Variants in CADPS observed in about 807,000 individuals in gnomAD.
The protein encoded by CADPS is calcium dependent secretion activator, also known as calcium-dependent secretion activator 1.
In CADPS, 57 loss-of-function variants were observed where a neutral mutation model predicts 167.3. The observed-to-expected ratio is 0.34, with a 90% CI of 0.28 to 0.42. CADPS has a LOEUF of 0.42. Among genes scored for constraint, CADPS ranks in the 20% least tolerant of loss-of-function variants. The pLI, the probability that CADPS is intolerant of heterozygous loss-of-function variation, is 1.00. For missense variants in CADPS, 1,414 were observed against 1,738.1 expected, an observed-to-expected ratio of 0.81 and a Z score of 3.32; for synonymous variants, 676 against 635.3, an observed-to-expected ratio of 1.06 and a Z score of -0.96.
chr3:62,526,806 A>G (rs1245972678), intron 13 of CADPS, among the ~76,000 whole-genome samples: 1 of 152,130 alleles, frequency 6.6e-6, no homozygotes, highest in Non-Finnish European at 1.5e-5. Context: ...GAACTTTGCT[A>G]TATATTTAAA....
intron 3 of CADPS, among the ~76,000 whole-genome samples, chr3:62,718,374 A>G (rs1005272881): frequency 1.3e-5 from 2 of 152,214 alleles, no homozygotes; most frequent in Non-Finnish European, 2.9e-5. Context: ...TTCTGAAGCT[A>G]CGTAGGTCAA....
rs142494817 is a variant in CADPS, at chr3:62,550,084, A to G, written c.1785T>C (p.Ala595=). ...GLEGGRAFFN[A]VKEGDTVIFA... ...ATATCACGGTGTCTCCCTCCTTGAC[A>G]GCATTGAAGAAGGCTCGGCCACCCT... is the stretch of plus-strand genomic sequence containing the variant. Residue 595 remains alanine, a synonymous_variant, in exon 11 of 30, where the codon GCT becomes GCC. Coordinates refer to ENST00000383710, the MANE Select transcript of CADPS (RefSeq NM_003716.4). 4 of 1,614,014 alleles carry G rather than the reference A, an allele frequency of 2.5e-6. No homozygotes were observed. Among genetic ancestry groups the G allele is most frequent in the Non-Finnish European group, 3.4e-6 (4 of 1,179,958 alleles).
rs575872631 is a variant in CADPS, at chr3:62,825,627, T to C, written c.441+48962A>G. Among the ~76,000 whole-genome samples, 4 of 152,268 alleles carry C rather than the reference T, an allele frequency of 2.6e-5. No homozygotes were observed. The South Asian group carries it at 6.2e-4, about 24-fold the overall frequency. On this transcript the variant is annotated intron_variant, in intron 1 of 29. Transcript: ENST00000383710. ...TCAAAAGGTAAGGCCATTTGTCACA[T>C]AGATGGTAAATAATGGGGCTGAGAT...
chr3:62,602,725 T>C lies in CADPS; in HGVS notation c.1326-9977A>G, dbSNP rs1197487016. On this transcript the variant is annotated intron_variant, in intron 6 of 29. Coordinates refer to ENST00000383710, the MANE Select transcript of CADPS (RefSeq NM_003716.4). This position sits in a 1 kb window ranked among gnomAD's most constrained non-coding sequence, Gnocchi z 4.4. ...GTCTGGGAGGCAGAGATGAAGGCTT[T>C]GGTTTGCCTCCTTGACATTTCCACT... is the stretch of plus-strand genomic sequence containing the variant. 1.3e-5 allele frequency among the ~76,000 whole-genome samples: 2 copies of C among 152,164 alleles called. No homozygotes were observed. The highest frequency in any genetic ancestry group is 4.1e-4 in the South Asian group (2 of 4,822).
chr3:62,542,542 A>T (rs1028758272), intron 11 of CADPS, among the ~76,000 whole-genome samples: 1 of 152,134 alleles, frequency 6.6e-6, no homozygotes, highest in Non-Finnish European at 1.5e-5. Context: ...TGAGCTCTGC[A>T]CAGCAAGCAA....
At chr3:62,596,362 A>T (rs988161014) in intron 6 of CADPS, among the ~76,000 whole-genome samples, 2 of 151,626 alleles carry the variant, frequency 1.3e-5, no homozygotes, top group Admixed American at 1.3e-4. Context: ...TGCCCAGCTA[A>T]TTTTTTTGTA....
chr3:62,490,060 A>G (rs1178401385), intron 21 of CADPS, among the ~76,000 whole-genome samples: 1 of 152,208 alleles, frequency 6.6e-6, no homozygotes, highest in Non-Finnish European at 1.5e-5. Context: ...GGGGGGCAGA[A>G]AAGCCTATTT....
In CADPS at chr3:62,493,626, G is replaced by A. The variant is rs1256587006; in HGVS notation, c.2727+19C>T. On this transcript the variant is annotated intron_variant, in intron 19 of 29. Transcript: ENST00000383710. ...TAGGGGTCCACCTCTCTTCTTTCAC[G>A]AGATTTCACTTTACTTACTTCTCCT... The A allele has an allele frequency of 7.7e-6, 12 of 1,551,214 alleles. 1 individual carries two copies. The highest frequency in any genetic ancestry group is 1.7e-4 in the Middle Eastern group (1 of 5,986).
At chr3:62,732,090 G>A (rs1166515398) in intron 3 of CADPS, among the ~76,000 whole-genome samples, 3 of 152,120 alleles carry the variant, frequency 2.0e-5, no homozygotes, top group African/African-American at 4.8e-5. Context: ...GTCTTGTGAA[G>A]TAGGCATTTG....
chr3:62,472,901 A>G lies in CADPS; in HGVS notation c.3477+1272T>C, dbSNP rs376386433. 6.6e-5 allele frequency among the ~76,000 whole-genome samples: 10 copies of G among 152,330 alleles called. No homozygotes were observed. The South Asian group carries it at 2.1e-3, about 32-fold the overall frequency. ...TCAGGTTTACATACTGAGTATCCAGATCAGTGGTTCTCATAGTGTGGTCTC... is the reference window on the plus strand; with the variant it reads ...TCAGGTTTACATACTGAGTATCCAGGTCAGTGGTTCTCATAGTGTGGTCTC... On this transcript the variant is annotated intron_variant, in intron 24 of 29. Coordinates refer to ENST00000383710, the MANE Select transcript of CADPS (RefSeq NM_003716.4).
intron 1 of CADPS, among the ~76,000 whole-genome samples, chr3:62,866,154 T>C (rs2081635019): frequency 6.6e-6 from 1 of 152,138 alleles, no homozygotes; most frequent in Admixed American, 6.6e-5. Context: ...TTCTCTACAA[T>C]GGATCTAGAA....
At chr3:62,610,645 T>TA (rs1472737859) in intron 6 of CADPS, among the ~76,000 whole-genome samples, 1 of 152,174 alleles carries the variant, frequency 6.6e-6, no homozygotes, top group Non-Finnish European at 1.5e-5. Flanking sequence ...AGCTTACCAT[T>TA]AAATTCTATG....
At chr3:62,523,461 A>C (rs2071252100) in intron 13 of CADPS, among the ~76,000 whole-genome samples, 1 of 152,208 alleles carries the variant, frequency 6.6e-6, no homozygotes, top group Admixed American at 6.5e-5. Context: ...TTGTCACTAC[A>C]CACCCAGGTG....
chr3:62,417,091 T>C (rs977015577), intron 28 of CADPS, among the ~76,000 whole-genome samples: 1 of 152,060 alleles, frequency 6.6e-6, no homozygotes, highest in Non-Finnish European at 1.5e-5. Context: ...CACTGGCCTG[T>C]GAATGTATAT....
chr3:62,723,858 C>A (rs537432162), intron 3 of CADPS, among the ~76,000 whole-genome samples: 5 of 152,336 alleles, frequency 3.3e-5, no homozygotes, highest in African/African-American at 1.2e-4. Flanking sequence ...ACTGAGGTAG[C>A]CACGTTCTCA....
Position 62,499,246 on chromosome 3 carries a change from A to T in CADPS, c.2622T>A (p.Thr874=). Residue 874 remains threonine, a synonymous_variant, in exon 18 of 30, where the codon ACT becomes ACA. Coordinates refer to ENST00000383710, the MANE Select transcript of CADPS (RefSeq NM_003716.4). ...TTGTATCTTCAAGCTTTTTGGCAGG[A>T]GTGATTAACCGGCCTACATTTTCTG... ...KDAENVGRLI[T]PAKKLEDTIR... 3.7e-6 allele frequency: 6 copies of T among 1,612,844 alleles called. No homozygotes were observed. Among genetic ancestry groups the T allele is most frequent in the Non-Finnish European group, 4.2e-6 (5 of 1,178,904 alleles).
chr3:62,409,715 A>C (rs2048590144), intron 28 of CADPS, among the ~76,000 whole-genome samples: 1 of 152,248 alleles, frequency 6.6e-6, no homozygotes, highest in Non-Finnish European at 1.5e-5. Context: ...CAATGATTGA[A>C]TATTCCTAAC....
chr3:62,405,847 C>A (rs1708285079), intron 28 of CADPS, among the ~76,000 whole-genome samples: 1 of 152,224 alleles, frequency 6.6e-6, no homozygotes, highest in South Asian at 2.1e-4. Context: ...TTGGATGCAG[C>A]ACAGTGCTAA....
intron 1 of CADPS, among the ~76,000 whole-genome samples, chr3:62,853,001 A>G (rs1225566458): frequency 6.6e-6 from 1 of 152,190 alleles, no homozygotes; most frequent in Non-Finnish European, 1.5e-5. Context: ...CTGTTTCCCA[A>G]TTCTCCAGTG....
Sources: allele counts gnomAD v4.1 joint callset (sites outside exome capture counted in the v4.1 genomes callset), GRCh38; gene constraint gnomAD v4.1.1; non-coding constraint Gnocchi (gnomAD v3.1); transcripts MANE v1.5; gene names NCBI Gene and HGNC (gene_info 2026-07-23, HGNC 2026-07-21).